The following CTNNA3 variants were observed in gnomAD, a reference collection of about 807,000 sequenced individuals.
CTNNA3 encodes catenin alpha 3, also known as catenin alpha-3.
Under a neutral mutation model 95.7 loss-of-function variants are expected in CTNNA3, and 76 were observed. The observed-to-expected ratio is 0.79, with a 90% CI of 0.66 to 0.96. The LOEUF is 0.96. CTNNA3 is among the 40% of genes least tolerant of loss of function. CTNNA3 has a pLI of 0.00. For synonymous variants in CTNNA3, 431 were observed against 374.4 expected, an observed-to-expected ratio of 1.15 and a Z score of -1.74; for missense variants, 1,191 against 1,089.8, an observed-to-expected ratio of 1.09 and a Z score of -1.31.
intron 3 of CTNNA3, among the ~76,000 whole-genome samples, chr10:67,605,062 A>C (rs919459209): frequency 3.3e-5 from 5 of 152,174 alleles, no homozygotes; most frequent in African/African-American, 1.2e-4. Context: ...AAAGGAAATC[A>C]CCACTTCATA....
At position 66,379,159 on chromosome 10, in the gene CTNNA3, T is replaced by C; in HGVS notation, c.1725A>G (p.Thr575=). 1 of 1,611,804 alleles carries C rather than the reference T, an allele frequency of 6.2e-7. No individual in the cohort carries two copies. Among genetic ancestry groups the C allele is most frequent in the Non-Finnish European group, 8.5e-7 (1 of 1,177,906 alleles). ...TATTGGCAACTGACTTACCAGTACT[T>C]GTAAGGAAGTTAACATTTCTCATTA... ...EGVMRNVNFL[T]STVIPEFVTQ... The change falls in exon 12 of 18, where the codon ACA becomes ACG. Residue 575 remains threonine, a synonymous_variant. Transcript: ENST00000433211.
intron 8 of CTNNA3, among the ~76,000 whole-genome samples, chr10:66,775,036 T>G (rs888144797): frequency 6.6e-6 from 1 of 152,352 alleles, no homozygotes; most frequent in Admixed American, 6.5e-5. Context: ...AACTCTGATG[T>G]AATACAATCA....
At chr10:66,380,642 T>C (rs2092831349) in intron 11 of CTNNA3, among the ~76,000 whole-genome samples, 2 of 147,152 alleles carry the variant, frequency 1.4e-5, no homozygotes, top group African/African-American at 5.0e-5. Flanking sequence ...TATATATATA[T>C]TAAATTAATT....
intron 3 of CTNNA3, among the ~76,000 whole-genome samples, chr10:67,575,005 T>C (rs142719735): frequency 1.8e-3 from 278 of 152,336 alleles, no homozygotes; most frequent in African/African-American, 6.3e-3. Context: ...CTATACATTT[T>C]ATTTAGTACA....
intron 10 of CTNNA3, among the ~76,000 whole-genome samples, chr10:66,526,271 C>T (rs1459851626): frequency 6.6e-6 from 1 of 152,044 alleles, no homozygotes; most frequent in Non-Finnish European, 1.5e-5. Context: ...CAGCAACTTC[C>T]ACCTCTCAGG....
rs1589135081 is a variant in CTNNA3, at chr10:67,294,584, C to T, written c.580-74714G>A. ...TCAAATCAAATAAATTTATCATGCA[C>T]CTGAAACTTGCACCAAGGAAAGGAA... On this transcript the variant is annotated intron_variant, in intron 5 of 17. Transcript: ENST00000433211. 2.0e-5 allele frequency among the ~76,000 whole-genome samples: 3 copies of T among 151,998 alleles called. No individual in the cohort carries two copies. In the South Asian group the frequency reaches 6.2e-4, roughly 32 times the overall value.
At position 66,416,397 on chromosome 10, in the gene CTNNA3, T is replaced by C. The variant is rs117648120; in HGVS notation, c.1532-37045A>G. Among the ~76,000 whole-genome samples the C allele has an allele frequency of 4.2e-3, 635 of 152,134 alleles. 1 individual carries two copies. The highest frequency in any genetic ancestry group is 6.6e-3 in the Non-Finnish European group (448 of 67,960). On this transcript the variant is annotated intron_variant, in intron 11 of 17. Transcript: ENST00000433211. The stretch of plus-strand genomic sequence containing the variant: ...TTTAAAAACCTATTTAATGAATTAA[T>C]AGAGGAAAATTTCCCAAATCTAGCA...
intron 10 of CTNNA3, among the ~76,000 whole-genome samples, chr10:66,586,912 A>G (rs1843379213): frequency 6.6e-6 from 1 of 152,156 alleles, no homozygotes; most frequent in Non-Finnish European, 1.5e-5. Flanking sequence ...AAAAAATAGT[A>G]GTCCCTGAAA....
chr10:66,509,175 A>G (rs142929671), intron 11 of CTNNA3, among the ~76,000 whole-genome samples: 158 of 152,168 alleles, frequency 1.0e-3, no homozygotes, highest in African/African-American at 3.7e-3. Context: ...TTTATTGGCT[A>G]TTTGTATGCC....
At chr10:67,366,572 C>T (rs935891705) in intron 5 of CTNNA3, among the ~76,000 whole-genome samples, 10 of 151,440 alleles carry the variant, frequency 6.6e-5, no homozygotes, top group South Asian at 4.2e-4. Flanking sequence ...ACCTGGGAGG[C>T]GGAGGTTGCA....
chr10:67,236,295 A>G (rs1314803460), intron 5 of CTNNA3, among the ~76,000 whole-genome samples: 3 of 150,894 alleles, frequency 2.0e-5, no homozygotes, highest in Non-Finnish European at 4.4e-5. Flanking sequence ...GATTAAGAAA[A>G]TGTGGCACAT....
intron 7 of CTNNA3, among the ~76,000 whole-genome samples, chr10:67,017,750 T>TGTGC (rs753061292): frequency 6.8e-6 from 1 of 147,006 alleles, no homozygotes; most frequent in Non-Finnish European, 1.5e-5. Flanking sequence ...TGTGTGTGTG[T>TGTGC]GTGCGCGCGT....
At chr10:65,930,152 C>T (rs2077227701) in intron 17 of CTNNA3, among the ~76,000 whole-genome samples, 1 of 137,232 alleles carries the variant, frequency 7.3e-6, no homozygotes. Context: ...GTGAGGTCAG[C>T]TCGGTTAATC....
chr10:66,753,381 G>T (rs141401655), intron 9 of CTNNA3, among the ~76,000 whole-genome samples: 1 of 152,168 alleles, frequency 6.6e-6, no homozygotes, highest in Non-Finnish European at 1.5e-5. Flanking sequence ...ACAAATAACA[G>T]GCCAGGCACG....
chr10:66,218,004 G>A (rs1225796035), intron 13 of CTNNA3, among the ~76,000 whole-genome samples: 1 of 152,098 alleles, frequency 6.6e-6, no homozygotes. Context: ...TGTTTTCAGA[G>A]GGGAGGAGCC....
chr10:66,095,195 A>C (rs1290857624), intron 14 of CTNNA3, among the ~76,000 whole-genome samples: 1 of 152,152 alleles, frequency 6.6e-6, no homozygotes, highest in Non-Finnish European at 1.5e-5. Flanking sequence ...GTCTAAGAAA[A>C]GTAGGAAGAG....
chr10:66,898,630 A>G (rs1314707224), intron 7 of CTNNA3, among the ~76,000 whole-genome samples: 1 of 152,206 alleles, frequency 6.6e-6, no homozygotes, highest in Non-Finnish European at 1.5e-5. Flanking sequence ...AGGAAACTGG[A>G]TATCCACATG....
intron 7 of CTNNA3, among the ~76,000 whole-genome samples, chr10:67,110,891 G>C (rs1215089998): frequency 2.6e-5 from 4 of 152,110 alleles, no homozygotes; most frequent in Non-Finnish European, 5.9e-5. Flanking sequence ...CACTTATAAT[G>C]AGATGGTTCT....
At chr10:66,507,286 T>C (rs1840483585) in intron 11 of CTNNA3, among the ~76,000 whole-genome samples, 1 of 152,160 alleles carries the variant, frequency 6.6e-6, no homozygotes, top group Non-Finnish European at 1.5e-5. Context: ...ATGTATACAG[T>C]GTGTGATTAT....
Sources: gnomAD v4.1 joint callset for allele counts (sites outside exome capture counted in the v4.1 genomes callset) on GRCh38, gnomAD v4.1.1 for gene constraint, MANE v1.5 for transcripts, NCBI Gene and HGNC (gene_info 2026-07-23, HGNC 2026-07-21) for gene names.